Variants in B4GALNT3 observed in about 807,000 individuals in gnomAD.
B4GALNT3 encodes beta-1,4-N-acetyl-galactosaminyltransferase 3, also known as beta-1,4-N-acetylgalactosaminyltransferase 3.
A neutral mutation model predicts 120.2 loss-of-function variants in B4GALNT3; 86 were observed. The observed-to-expected ratio is 0.72, with a 90% CI of 0.60 to 0.86. B4GALNT3 has a LOEUF of 0.86. B4GALNT3 is among the 40% of genes least tolerant of loss of function. B4GALNT3 has a pLI of 0.00. For missense variants in B4GALNT3, 1,167 were observed against 1,298.9 expected, an observed-to-expected ratio of 0.90 and a Z score of 1.56; for synonymous variants, 518 against 510.4, an observed-to-expected ratio of 1.01 and a Z score of -0.20.
intron 1 of B4GALNT3, among the ~76,000 whole-genome samples, chr12:486,792 C>T (rs1946295026): frequency 6.6e-6 from 1 of 151,440 alleles, no homozygotes; most frequent in Non-Finnish European, 1.5e-5. Context: ...TCACTTTCAA[C>T]AAAAAGTTAC....
intron 1 of B4GALNT3, among the ~76,000 whole-genome samples, chr12:511,413 A>C (rs1461364063): frequency 8.1e-5 from 5 of 61,608 alleles, no homozygotes; most frequent in Admixed American, 1.8e-4. Context: ...CCTTCCTTCC[A>C]CCTTCCACCT....
intron 1 of B4GALNT3, among the ~76,000 whole-genome samples, chr12:487,075 A>C (rs1030498440): frequency 5.9e-5 from 9 of 152,364 alleles, no homozygotes; most frequent in African/African-American, 2.2e-4. Context: ...TCATTAGTAG[A>C]TGGGACACAG....
At chr12:542,279 C>T (rs1039105706) in intron 3 of B4GALNT3, among the ~76,000 whole-genome samples, 7 of 152,106 alleles carry the variant, frequency 4.6e-5, no homozygotes, top group African/African-American at 1.4e-4. Flanking sequence ...CAGTGTTCCC[C>T]AGAGGCTGCG....
At chr12:505,276 G>A (rs1748648053) in intron 1 of B4GALNT3, among the ~76,000 whole-genome samples, 1 of 152,180 alleles carries the variant, frequency 6.6e-6, no homozygotes, top group African/African-American at 2.4e-5. Flanking sequence ...AGACAACTTG[G>A]GGCTTCCCTC....
intron 3 of B4GALNT3, among the ~76,000 whole-genome samples, chr12:539,070 C>G (rs1946889002): frequency 6.6e-6 from 1 of 152,210 alleles, no homozygotes; most frequent in Non-Finnish European, 1.5e-5. Context: ...TGACGATGGC[C>G]TCCTCTTTCA....
At chr12:554,074 TC>T in intron 14 of B4GALNT3, 91 bp downstream of exon 14, 3 of 860,494 alleles carry the variant, frequency 3.5e-6, no homozygotes, top group South Asian at 1.6e-5. Flanking sequence ...GGTAGTGGGT[TC>T]CCCCAGCCGC....
intron 6 of B4GALNT3, 130 bp from the exon 7 acceptor site, chr12:546,516 C>T: frequency 1.2e-6 from 1 of 841,560 alleles, no homozygotes; most frequent in Non-Finnish European, 1.9e-6. Flanking sequence ...ACCTCTCTCA[C>T]CTTCATTCCG....
At chr12:477,698 A>G (rs1946197639) in intron 1 of B4GALNT3, among the ~76,000 whole-genome samples, 1 of 152,250 alleles carries the variant, frequency 6.6e-6, no homozygotes, top group South Asian at 2.1e-4. Context: ...TTAGATCAGA[A>G]GAATCCTGGA....
chr12:510,473 A>G (rs1385999054), intron 1 of B4GALNT3, among the ~76,000 whole-genome samples: 1 of 114,110 alleles, frequency 8.8e-6, no homozygotes, highest in Non-Finnish European at 2.1e-5. Flanking sequence ...GGGGCTGGTC[A>G]GGGGAGTTGG....
intron 1 of B4GALNT3, among the ~76,000 whole-genome samples, chr12:495,990 A>G (rs990571808): frequency 1.3e-5 from 2 of 152,222 alleles, no homozygotes; most frequent in African/African-American, 2.4e-5. Context: ...GCAGATTCAC[A>G]TCATTCTCCT....
chr12:497,240 G>GC (rs1946398122), intron 1 of B4GALNT3, among the ~76,000 whole-genome samples: 1 of 152,064 alleles, frequency 6.6e-6, no homozygotes, highest in African/African-American at 2.4e-5. Context: ...TGCAACCTCC[G>GC]CCTCCCGGGT....
rs1057027180 is a variant in B4GALNT3, at chr12:461,651, TACTCTG to T, written c.169+1115_169+1120del. On this transcript the variant is annotated intron_variant, in intron 1 of 19. Coordinates refer to ENST00000266383, the MANE Select transcript of B4GALNT3 (RefSeq NM_173593.4). ...GTGGCTGAGCAAGCAGCTGAGAAGATACTCTGACTCTGACCTGTCGTCGTGTCAGCT... is the reference window on the plus strand; with the variant it reads ...GTGGCTGAGCAAGCAGCTGAGAAGATACTCTGACCTGTCGTCGTGTCAGCT... Among the ~76,000 whole-genome samples the T allele has an allele frequency of 1.7e-3, 253 of 152,332 alleles. 1 individual carries two copies. The highest frequency in any genetic ancestry group is 8.8e-5 in the Non-Finnish European group (6 of 68,034).
At chr12:516,681 G>T (rs1257883184) in intron 1 of B4GALNT3, among the ~76,000 whole-genome samples, 1 of 152,184 alleles carries the variant, frequency 6.6e-6, no homozygotes, top group Non-Finnish European at 1.5e-5. Flanking sequence ...GCCATCAGAA[G>T]GATCTTGGAT....
intron 7 of B4GALNT3, among the ~76,000 whole-genome samples, chr12:546,983 T>C (rs550395963): frequency 6.6e-6 from 1 of 152,256 alleles, no homozygotes; most frequent in South Asian, 2.1e-4. Context: ...GTCTCCTTCC[T>C]CCCAGTCCTT....
intron 1 of B4GALNT3, among the ~76,000 whole-genome samples, chr12:491,015 C>T (rs1228615294): frequency 6.6e-6 from 1 of 152,048 alleles, no homozygotes; most frequent in African/African-American, 2.4e-5. Context: ...GGGAATACTA[C>T]CTAACTAATT....
chr12:502,018 G>A (rs1382775860), intron 1 of B4GALNT3, among the ~76,000 whole-genome samples: 2 of 152,200 alleles, frequency 1.3e-5, no homozygotes, highest in Admixed American at 1.3e-4. Context: ...CTCTGTCACA[G>A]ACTTCATTCC....
intron 1 of B4GALNT3, among the ~76,000 whole-genome samples, chr12:526,917 T>C (rs1946763744): frequency 6.6e-6 from 1 of 151,994 alleles, no homozygotes; most frequent in Admixed American, 6.6e-5. Flanking sequence ...TTTTAGACTT[T>C]GTGTTTTTGT....
chr12:462,445 T>TCTCCCGTGGGCCGC (rs1946030984), intron 1 of B4GALNT3, among the ~76,000 whole-genome samples: 1 of 150,608 alleles, frequency 6.6e-6, no homozygotes, highest in Non-Finnish European at 1.5e-5. Context: ...TCTGCCTCTG[T>TCTCCCGTGGGCCGC]CTCCCGTGGG....
chr12:517,665 C>T (rs1251720695), intron 1 of B4GALNT3, among the ~76,000 whole-genome samples: 5 of 152,234 alleles, frequency 3.3e-5, no homozygotes, highest in African/African-American at 1.2e-4. Flanking sequence ...CACCAGGATC[C>T]TCCTCTCTGG....
Sources: gnomAD v4.1 joint callset for allele counts (sites outside exome capture counted in the v4.1 genomes callset) on GRCh38, gnomAD v4.1.1 for gene constraint, MANE v1.5 for transcripts, NCBI Gene and HGNC (gene_info 2026-07-23, HGNC 2026-07-21) for gene names.